The following OGFOD2 variants were observed in gnomAD, a reference collection of about 807,000 sequenced individuals.
OGFOD2 encodes 2-oxoglutarate and iron dependent oxygenase domain containing 2.
Under a neutral mutation model 31.1 loss-of-function variants are expected in OGFOD2, and 34 were observed. The observed-to-expected ratio is 1.09, with a 90% confidence interval of 0.83 to 1.45. The LOEUF is 1.45. Among genes scored for constraint, OGFOD2 ranks in the 40% most tolerant of loss-of-function variants. OGFOD2 has a pLI of 0.00. For synonymous variants in OGFOD2, 240 were observed against 192.3 expected (o/e 1.25, Z -2.05); for missense variants, 537 against 433.9 (o/e 1.24, Z -2.11).
At chr12:122,978,258 A>G (rs1269115998) in intron 4 of OGFOD2, 184 bp from the exon 5 acceptor site, 20 of 668,598 alleles carry the variant, frequency 3.0e-5, no homozygotes, top group South Asian at 9.5e-5. Flanking sequence ...GGTTCCGGGC[A>G]TAAGTGGGGG....
chr12:122,979,252 G>A, exon 7 of OGFOD2: 1 of 1,612,934 alleles, frequency 6.2e-7, no homozygotes, highest in Non-Finnish European at 8.5e-7. Flanking sequence ...TGTCCCATGT[G>A]CTGCCGTGAG....
At chr12:122,978,475 C>A in exon 5 of OGFOD2, 1 of 1,613,624 alleles carries the variant, frequency 6.2e-7, no homozygotes, top group Non-Finnish European at 8.5e-7. Flanking sequence ...CCTGTTTTCA[C>A]AGCGCCCTTC....
exon 7 of OGFOD2, chr12:122,979,216 G>A (rs950496291): frequency 4.3e-6 from 7 of 1,612,460 alleles, no homozygotes; most frequent in Admixed American, 1.7e-5. Flanking sequence ...GTCTGGCTCC[G>A]AGCCTCTGCT....
intron 5 of OGFOD2, 22 bp downstream of exon 5, chr12:122,978,591 G>A: frequency 6.2e-7 from 1 of 1,606,820 alleles, no homozygotes; most frequent in Non-Finnish European, 8.5e-7. Flanking sequence ...CTGGCCGGTG[G>A]CAGAGGAGGG....
rs1016651611 is a variant in OGFOD2, at chr12:122,978,298, T to G, written c.404-144T>G. The G allele has an allele frequency of 1.1e-5, 11 of 1,011,122 alleles. No homozygotes were observed. In the African/African-American group the frequency reaches 1.8e-4, roughly 17 times the overall value. The allele number at this position is 1,011,122 out of a possible 1,614,324, so 62.6% of individuals were successfully genotyped here. A position where few individuals can be genotyped will look rare whatever the true frequency, so the allele number is the denominator to read the frequency against. On this transcript the variant is annotated intron_variant, in intron 4 of 6. Transcript: ENST00000228922. The stretch of plus-strand genomic sequence containing the variant: ...GGGAATCGGCCTCCCCTGCTCCTCA[T>G]GTTACTTCCTTAAGTCATCACAATA...
chr12:122,979,051 G>A, intron 6 of OGFOD2, 32 bp from the exon 7 acceptor site: 1 of 1,604,060 alleles, frequency 6.2e-7, no homozygotes, highest in Non-Finnish European at 8.5e-7. Context: ...GGGCAGCTGT[G>A]AGTGCCCAGG....
chr12:122,978,877 C>A (rs769252541), exon 6 of OGFOD2: 2 of 1,612,224 alleles, frequency 1.2e-6, no homozygotes, highest in Non-Finnish European at 1.7e-6. Flanking sequence ...AGCCACCGGG[C>A]CTTTGTGGTC....
chr12:122,979,466 C>T (rs1272228177), exon 7 of OGFOD2: 1 of 1,263,800 alleles, frequency 7.9e-7, no homozygotes, highest in South Asian at 1.5e-5. Flanking sequence ...GTGCCAGCTT[C>T]TGGGTCATTC....
chr12:122,979,426 GC>G, exon 7 of OGFOD2: 14 of 1,459,808 alleles, frequency 9.6e-6, no homozygotes, highest in South Asian at 5.3e-5. Context: ...TAAAATCCCC[GC>G]AGCCTACTGC....
upstream of OGFOD2, chr12:122,974,951 C>G (rs1037628292): frequency 5.2e-5 from 14 of 270,538 alleles, no homozygotes; most frequent in African/African-American, 3.1e-4. Context: ...CCTTGGGGCT[C>G]CGAGTCCCTT....
chr12:122,978,412 C>T, intron 4 of OGFOD2, 30 bp from the exon 5 acceptor site: 1 of 1,609,520 alleles, frequency 6.2e-7, no homozygotes, highest in Non-Finnish European at 8.5e-7. Flanking sequence ...CGGCCACATT[C>T]AGGCCAACAG....
chr12:122,978,204 G>A (rs563966422), intron 4 of OGFOD2: 7 of 458,764 alleles, frequency 1.5e-5, no homozygotes, highest in African/African-American at 7.8e-5. Flanking sequence ...CCATATGTGA[G>A]CTCCCAGGGC....
rs2037499056 is a variant in OGFOD2, at chr12:122,978,504, G to GA, written c.467dup (p.Leu157AlafsTer11). On this transcript the variant is annotated frameshift_variant, in exon 5 of 7. Transcript: ENST00000228922. LOFTEE classifies it high-confidence loss of function. ...GCCCTTCTGCCAGGCCCTGCTGGAA[G>GA]AGCTGGAGCACTTCGAGCAATCGGA... 2 of 1,613,478 alleles carry GA rather than the reference G, an allele frequency of 1.2e-6. No individual in the cohort carries two copies. The highest frequency in any genetic ancestry group is 1.7e-6 in the Non-Finnish European group (2 of 1,180,008).
upstream of OGFOD2, chr12:122,975,108 C>T (rs2135949636): frequency 3.9e-6 from 2 of 510,512 alleles, no homozygotes; most frequent in Non-Finnish European, 7.1e-6. Context: ...CTCCGCAGAC[C>T]GTTTCCTGGC....
chr12:122,975,542 G>A (rs2037392127), intron 1 of OGFOD2, 159 bp downstream of exon 1: 7 of 595,746 alleles, frequency 1.2e-5, no homozygotes, highest in Non-Finnish European at 2.1e-5. Flanking sequence ...CACCGTAAAG[G>A]GGTAATAGTA....
chr12:122,979,563 A>G, exon 7 of OGFOD2: 2 of 621,172 alleles, frequency 3.2e-6, no homozygotes, highest in Non-Finnish European at 2.7e-6. Context: ...GAAGCAGGGG[A>G]GGGGAGGGAG....
chr12:122,979,225 C>T (rs1192838560), exon 7 of OGFOD2: 1 of 1,612,658 alleles, frequency 6.2e-7, no homozygotes, highest in African/African-American at 1.3e-5. Context: ...CGAGCCTCTG[C>T]TGTGCGCAAC....
chr12:122,978,351 A>T, intron 4 of OGFOD2, 91 bp from the exon 5 acceptor site: 1 of 1,523,346 alleles, frequency 6.6e-7, no homozygotes. Context: ...CCTCATCTCC[A>T]TGGCACAGGT....
intron 4 of OGFOD2, 45 bp downstream of exon 4, chr12:122,977,015 C>T (rs757491315): frequency 1.3e-6 from 2 of 1,551,860 alleles, no homozygotes; most frequent in Non-Finnish European, 1.8e-6. Context: ...GGAATGGCAG[C>T]CTGGGAAACC....
Sources: allele counts gnomAD v4.1 joint callset, GRCh38; gene constraint gnomAD v4.1.1; transcripts MANE v1.5; gene names NCBI Gene and HGNC (gene_info 2026-07-23, HGNC 2026-07-21).